Variants in EXOC6 observed in about 807,000 individuals in gnomAD.
EXOC6 encodes SEC15-like 1.
Under a neutral mutation model 112.5 loss-of-function variants are expected in EXOC6, and 60 were observed. The ratio of observed to expected loss-of-function variants is 0.53; its 90% confidence interval spans 0.43 to 0.66. The LOEUF is 0.66. EXOC6 is among the 30% of genes least tolerant of loss of function. EXOC6 has a pLI of 0.00. For synonymous variants in EXOC6, 295 were observed against 308.0 expected, an observed-to-expected ratio of 0.96 and a Z score of 0.44; for missense variants, 855 against 957.1, an observed-to-expected ratio of 0.89 and a Z score of 1.41.
intron 1 of EXOC6, among the ~76,000 whole-genome samples, chr10:92,851,099 A>G (rs951358467): frequency 6.6e-6 from 1 of 152,260 alleles, no homozygotes; most frequent in African/African-American, 2.4e-5. Context: ...TTGTGAATGC[A>G]GCTAAAGAAA....
At chr10:92,882,233 C>G (rs949960401) in intron 1 of EXOC6, among the ~76,000 whole-genome samples, 1 of 151,916 alleles carries the variant, frequency 6.6e-6, no homozygotes, top group Non-Finnish European at 1.5e-5. Flanking sequence ...TTGAGCAAAC[C>G]TTTTGTGCAT....
upstream of EXOC6, chr10:92,848,326 T>C (rs4933747): frequency 1 from 175,281 of 175,292 alleles, 87,635 homozygotes; most frequent in Middle Eastern, 1. Flanking sequence ...CCGCCGCCCG[T>C]AGCCCCAGCT....
upstream of EXOC6, among the ~76,000 whole-genome samples, chr10:92,846,009 G>A (rs1847041309): frequency 6.6e-6 from 1 of 152,226 alleles, no homozygotes; most frequent in Non-Finnish European, 1.5e-5. Context: ...TGAATTCTTA[G>A]CTAAAACCTC....
chr10:93,050,057 A>G (rs571518856), intron 20 of EXOC6, among the ~76,000 whole-genome samples: 5 of 152,222 alleles, frequency 3.3e-5, no homozygotes, highest in Admixed American at 6.5e-5. Flanking sequence ...AAAAAATTTT[A>G]AAGTTATATA....
chr10:92,846,368 C>G (rs528507300), upstream of EXOC6, among the ~76,000 whole-genome samples: 4 of 152,310 alleles, frequency 2.6e-5, no homozygotes, highest in South Asian at 8.3e-4. Context: ...ACATGCCCTG[C>G]TCTCCTCATT....
intron 1 of EXOC6, among the ~76,000 whole-genome samples, chr10:92,870,953 C>A (rs1848417593): frequency 6.6e-6 from 1 of 152,162 alleles, no homozygotes; most frequent in Non-Finnish European, 1.5e-5. Flanking sequence ...CGTGATCCAA[C>A]CACCTTGGCC....
At chr10:92,936,159 A>G (rs1307524775) in intron 12 of EXOC6, among the ~76,000 whole-genome samples, 1 of 152,322 alleles carries the variant, frequency 6.6e-6, no homozygotes, top group Non-Finnish European at 1.5e-5. Context: ...AAAAGAATAC[A>G]GAGTATAATG....
intron 1 of EXOC6, among the ~76,000 whole-genome samples, chr10:92,857,866 C>G (rs748390964): frequency 6.6e-6 from 1 of 150,988 alleles, no homozygotes; most frequent in Non-Finnish European, 1.5e-5. Flanking sequence ...GAGGAAATTC[C>G]TTTTGTATTT....
At chr10:92,961,701 G>GTT (rs11374075) in intron 17 of EXOC6, among the ~76,000 whole-genome samples, 2,472 of 145,614 alleles carry the variant, frequency 0.017, 53 homozygotes, top group African/African-American at 0.054. Flanking sequence ...TCCGCTTTCT[G>GTT]TTTTTTTTTT....
intron 1 of EXOC6, among the ~76,000 whole-genome samples, chr10:92,858,561 G>A (rs1847739440): frequency 6.6e-6 from 1 of 151,742 alleles, no homozygotes; most frequent in African/African-American, 2.4e-5. Context: ...TTTCATTTAT[G>A]TTACTGACTT....
At chr10:92,944,049 G>A (rs753709794) in intron 13 of EXOC6, among the ~76,000 whole-genome samples, 1 of 152,048 alleles carries the variant, frequency 6.6e-6, no homozygotes, top group African/African-American at 2.4e-5. Context: ...ATGTCCTCAA[G>A]GTTCATCCTT....
chr10:93,012,735 C>A (rs1844305689), intron 19 of EXOC6, among the ~76,000 whole-genome samples: 1 of 152,070 alleles, frequency 6.6e-6, no homozygotes, highest in South Asian at 2.1e-4. Flanking sequence ...CAGATAAATT[C>A]ACAAATGGAA....
chr10:92,884,891 T>A (rs1849136821), intron 1 of EXOC6, among the ~76,000 whole-genome samples: 1 of 152,110 alleles, frequency 6.6e-6, no homozygotes, highest in African/African-American at 2.4e-5. Context: ...TTAAAAAAAA[T>A]ACTGTGGAAT....
intron 20 of EXOC6, among the ~76,000 whole-genome samples, chr10:93,020,990 T>G (rs902338969): frequency 1.3e-5 from 2 of 151,718 alleles, no homozygotes; most frequent in Non-Finnish European, 2.9e-5. Context: ...CTCTGGTTCC[T>G]TCCCTTGTAT....
chr10:92,934,338 C>T lies in EXOC6; in HGVS notation c.1048C>T (p.His350Tyr), dbSNP rs1235332150. 2.6e-5 allele frequency: 41 copies of T among 1,592,812 alleles called. No individual in the cohort carries two copies. The highest frequency in any genetic ancestry group is 3.2e-5 in the Non-Finnish European group (38 of 1,172,824). The change falls in exon 11 of 22, where the codon CAT becomes TAT. Residue 350 changes from histidine to tyrosine, a missense_variant. Transcript: ENST00000260762. ...CTTTGTGGTAGAAGATCACATTTTACATGTGACCCAAGGATTAGTAACCAG... is the reference window on the plus strand; with the variant it reads ...CTTTGTGGTAGAAGATCACATTTTATATGTGACCCAAGGATTAGTAACCAG... ...GFFVVEDHIL[H>Y]VTQGLVTRAY...
chr10:93,029,818 A>G (rs1236712541), intron 20 of EXOC6, among the ~76,000 whole-genome samples: 1 of 152,218 alleles, frequency 6.6e-6, no homozygotes, highest in Non-Finnish European at 1.5e-5. Flanking sequence ...TTTGGGATGT[A>G]AAGTTCCAGA....
At position 92,916,423 on chromosome 10, in the gene EXOC6, T is replaced by C. The variant is rs147101632; in HGVS notation, c.819+510T>C. On this transcript the variant is annotated intron_variant, in intron 7 of 21. Coordinates refer to ENST00000260762, the MANE Select transcript of EXOC6 (RefSeq NM_019053.6). Reference sequence around the variant, plus strand: ...TACTTGGGAAGCTGAGACATGAGAATTGCTTGAACCCAGGAGGTGGAGGTT... The same window carrying C: ...TACTTGGGAAGCTGAGACATGAGAACTGCTTGAACCCAGGAGGTGGAGGTT... 2.0e-5 allele frequency among the ~76,000 whole-genome samples: 3 copies of C among 152,196 alleles called. No individual in the cohort carries two copies. In the East Asian group the frequency reaches 5.8e-4, roughly 29 times the overall value.
chr10:92,827,667 G>A (rs1846409363), intron 1 of EXOC6, among the ~76,000 whole-genome samples: 1 of 152,026 alleles, frequency 6.6e-6, no homozygotes, highest in Non-Finnish European at 1.5e-5. Context: ...GCTGCTATCT[G>A]TGGCATCACC....
intron 1 of EXOC6, among the ~76,000 whole-genome samples, chr10:92,828,088 T>C (rs1242825326): frequency 6.6e-6 from 1 of 152,178 alleles, no homozygotes; most frequent in Non-Finnish European, 1.5e-5. Flanking sequence ...TGGTCTAGAG[T>C]GCTTGCTAGA....
Sources: allele counts gnomAD v4.1 joint callset (sites outside exome capture counted in the v4.1 genomes callset), GRCh38; gene constraint gnomAD v4.1.1; transcripts MANE v1.5; gene names NCBI Gene and HGNC (gene_info 2026-07-23, HGNC 2026-07-21).